Variants in BANP observed in about 807,000 individuals in gnomAD.
BANP encodes the protein protein BANP.
Under a neutral mutation model 68.1 loss-of-function variants are expected in BANP, and 11 were observed. The observed-to-expected ratio is 0.16, with a 90% CI of 0.10 to 0.27. The LOEUF (loss-of-function observed/expected upper bound fraction) is 0.27. BANP is among the 10% of genes least tolerant of loss of function. The pLI is 1.00. For synonymous variants in BANP, 329 were observed against 303.2 expected (o/e 1.09, Z -0.88); for missense variants, 504 against 722.7 (o/e 0.70, Z 3.47).
chr16:87,958,484 C>T (rs577084268), intron 1 of BANP, among the ~76,000 whole-genome samples: 1 of 152,182 alleles, frequency 6.6e-6, no homozygotes, highest in Admixed American at 6.5e-5. Context: ...TGGTTATGCA[C>T]AGCATTTGAC....
chr16:88,067,084 T>G (rs1260971353), intron 12 of BANP, among the ~76,000 whole-genome samples: 1 of 152,248 alleles, frequency 6.6e-6, no homozygotes, highest in African/African-American at 2.4e-5. Flanking sequence ...TAATTGGTGT[T>G]GGACACACAG....
intron 1 of BANP, chr16:87,966,572 G>A (rs949216107): frequency 6.6e-6 from 1 of 152,204 alleles, no homozygotes; most frequent in Admixed American, 6.5e-5. Flanking sequence ...TAAACAACTC[G>A]AATAATGTGT....
At chr16:87,975,576 T>TGCG (rs2061900672) in intron 2 of BANP, among the ~76,000 whole-genome samples, 1 of 148,498 alleles carries the variant, frequency 6.7e-6, no homozygotes, top group South Asian at 2.1e-4. Flanking sequence ...TAATCCCATG[T>TGCG]GCGGCGTCAT....
chr16:88,073,828 C>G lies in BANP; in HGVS notation c.1521+1616C>G, dbSNP rs529096010. Among the ~76,000 whole-genome samples the G allele has an allele frequency of 8.5e-5, 13 of 152,360 alleles. No individual in the cohort carries two copies. In the South Asian group the frequency reaches 2.5e-3, roughly 29 times the overall value. On this transcript the variant is annotated intron_variant, in intron 13 of 13. Transcript: ENST00000682872. The stretch of plus-strand genomic sequence containing the variant: ...ATTTCAGAATTGAACAAACCTGTGT[C>G]CCATGGTTGGTGTTTACACCCCTAG...
chr16:88,012,605 C>T (rs1272410201), intron 6 of BANP, among the ~76,000 whole-genome samples: 1 of 152,168 alleles, frequency 6.6e-6, no homozygotes, highest in African/African-American at 2.4e-5. Context: ...AGGGGACTAA[C>T]GTGTGGAATC....
chr16:87,975,266 C>G (rs1463846729), intron 2 of BANP, 81 bp downstream of exon 2: 47 of 1,417,776 alleles, frequency 3.3e-5, no homozygotes, highest in Non-Finnish European at 4.4e-5. Context: ...TATTTTCTTT[C>G]CTTTAAGCAG....
Position 87,999,358 on chromosome 16 carries a change from G to T in BANP, c.363-4937G>T, listed in dbSNP as rs576360958. Among the ~76,000 whole-genome samples the T allele has an allele frequency of 3.2e-3, 471 of 147,302 alleles. 6 individuals carry two copies. The highest frequency in any genetic ancestry group is 7.5e-3 in the African/African-American group (299 of 39,696). On this transcript the variant is annotated intron_variant, in intron 4 of 13. Transcript: ENST00000682872. ...CGCACATGCGCGGCTGTACTTACCT[G>T]TCCTTCCAGACACGTCTCCATGCAC... is the stretch of plus-strand genomic sequence containing the variant.
intron 11 of BANP, among the ~76,000 whole-genome samples, chr16:88,054,290 CCAT>C (rs60440735): frequency 2.2e-5 from 2 of 91,376 alleles, no homozygotes; most frequent in African/African-American, 3.5e-5. Flanking sequence ...ACTGTCATCT[CCAT>C]CATCATCACC....
At chr16:88,027,748 C>T in intron 8 of BANP, 98 bp downstream of exon 8, 2 of 1,433,956 alleles carry the variant, frequency 1.4e-6, no homozygotes, top group South Asian at 2.4e-5. Context: ...AGCGGCTCCA[C>T]CAGTGGCCGG....
intron 11 of BANP, among the ~76,000 whole-genome samples, chr16:88,049,953 G>A (rs1331361994): frequency 1.3e-5 from 2 of 152,182 alleles, no homozygotes; most frequent in Non-Finnish European, 2.9e-5. Flanking sequence ...GAAATGTGTT[G>A]TTCTAATTGG....
chr16:88,034,453 A>T (rs190094854), intron 9 of BANP, among the ~76,000 whole-genome samples: 74 of 143,412 alleles, frequency 5.2e-4, no homozygotes, highest in African/African-American at 1.9e-3. Flanking sequence ...GCCCATATGT[A>T]TAAACAGTGG....
chr16:88,075,746 C>CTTTTTTTT (rs34974822), intron 13 of BANP, among the ~76,000 whole-genome samples: 1 of 120,918 alleles, frequency 8.3e-6, no homozygotes, highest in Non-Finnish European at 1.7e-5. Context: ...TTTTCCTTTA[C>CTTTTTTTT]TTTTTTTTTT....
At chr16:88,056,290 T>G (rs1423754409) in intron 11 of BANP, among the ~76,000 whole-genome samples, 1 of 152,226 alleles carries the variant, frequency 6.6e-6, no homozygotes, top group African/African-American at 2.4e-5. Context: ...AGTTTCAGGC[T>G]TGAGTGATGA....
intron 6 of BANP, among the ~76,000 whole-genome samples, chr16:88,016,964 G>A (rs1324914929): frequency 6.6e-6 from 1 of 152,194 alleles, no homozygotes; most frequent in Admixed American, 6.5e-5. Flanking sequence ...TTTGAAGACA[G>A]GGTGACCAGC....
chr16:88,035,210 T>C lies in BANP; in HGVS notation c.1201-113T>C. On this transcript the variant is annotated intron_variant, in intron 9 of 13. Transcript: ENST00000682872. ...TATATTGCACTATTCAGGATTTAGTTATCTTTTTGAATTGTAAACAGATAA... is the reference window on the plus strand; with the variant it reads ...TATATTGCACTATTCAGGATTTAGTCATCTTTTTGAATTGTAAACAGATAA... 4.9e-6 allele frequency: 5 copies of C among 1,028,514 alleles called. No homozygotes were observed. In the South Asian group the frequency reaches 7.4e-5, roughly 15 times the overall value. The allele number at this position is 1,028,514 out of a possible 1,614,324, so 63.7% of individuals were successfully genotyped here.
Position 88,072,164 on chromosome 16 carries a change from T to G in BANP, c.1473T>G (p.Val491=). 6.2e-7 allele frequency: 1 copy of G among 1,611,526 alleles called. No homozygotes were observed. Among genetic ancestry groups the G allele is most frequent in the Non-Finnish European group, 8.5e-7 (1 of 1,179,704 alleles). The change falls in exon 13 of 14, where the codon GTT becomes GTG. Residue 491 remains valine (V), a synonymous_variant. Transcript: ENST00000682872. ...GSPLQGSDIQ[V]QYVQLAPVSD... ...CACTCCAGGGCAGCGACATCCAGGT[T>G]CAGTACGTGCAGCTGGCGCCAGTGA...
intron 6 of BANP, among the ~76,000 whole-genome samples, chr16:88,015,404 C>T (rs1328295890): frequency 3.3e-5 from 5 of 152,390 alleles, no homozygotes; most frequent in African/African-American, 7.2e-5. Context: ...CGCCTGCTTT[C>T]TGCCCAGGTG....
chr16:88,035,244 A>T (rs956766648), intron 9 of BANP, 79 bp from the exon 10 acceptor site: 71 of 1,291,092 alleles, frequency 5.5e-5, no homozygotes, highest in Non-Finnish European at 6.9e-5. Context: ...AATCAAGAAC[A>T]AACATTCCGG....
At chr16:87,979,003 A>G (rs531942956) in intron 2 of BANP, among the ~76,000 whole-genome samples, 1 of 152,334 alleles carries the variant, frequency 6.6e-6, no homozygotes, top group Non-Finnish European at 1.5e-5. Flanking sequence ...ATCGGTCGAC[A>G]GTGGTCCTTG....
Sources: allele counts gnomAD v4.1 joint callset (sites outside exome capture counted in the v4.1 genomes callset), GRCh38; gene constraint gnomAD v4.1.1; transcripts MANE v1.5; gene names NCBI Gene and HGNC (gene_info 2026-07-23, HGNC 2026-07-21).